BCLAF3: variants seen among roughly 807,000 people sequenced by gnomAD.
BCLAF3 encodes the protein transient octamer binding factor 1.
Under a neutral mutation model 51.2 loss-of-function variants are expected in BCLAF3, and 24 were observed. The observed-to-expected ratio is 0.47, with a 90% confidence interval of 0.34 to 0.66. The LOEUF (loss-of-function observed/expected upper bound fraction) is 0.66, where lower values mean the gene tolerates loss of function less well. Ranked by LOEUF, BCLAF3 falls within the 30% of genes least tolerant of loss-of-function variation. The probability of loss-of-function intolerance (pLI) is 0.01; values close to 1 mark genes in which losing one functional copy is unlikely to be tolerated. For synonymous variants in BCLAF3, 152 were observed against 176.6 expected, an observed-to-expected ratio of 0.86 and a Z score of 1.10; for missense variants, 465 against 525.1, an observed-to-expected ratio of 0.89 and a Z score of 1.12.
chrX:19,937,533 C>T lies in BCLAF3; in HGVS notation c.1746-1G>A. ...TGAAAAACTGGAATTCTGATCATCCCTAATAAGGAAACAGAGAAAATAAGA... is the reference window on the plus strand; with the variant it reads ...TGAAAAACTGGAATTCTGATCATCCTTAATAAGGAAACAGAGAAAATAAGA... On this transcript the variant is annotated splice_acceptor_variant, in intron 8 of 11. Coordinates refer to ENST00000379682, the MANE Select transcript of BCLAF3 (RefSeq NM_001367774.2). LOFTEE classifies it high-confidence loss of function. 2.1e-6 allele frequency: 2 copies of T among 959,724 alleles called. No homozygotes were observed. The highest frequency in any genetic ancestry group is 1.4e-6 in the Non-Finnish European group (1 of 693,684). 79.1% of individuals were successfully genotyped at this position (959,724 alleles called of 1,213,427 possible). A position where few individuals can be genotyped will look rare whatever the true frequency, so the allele number is the denominator to read the frequency against.
intron 10 of BCLAF3, among the ~76,000 whole-genome samples, chrX:19,931,842 T>A (rs1009293949): frequency 2.7e-5 from 3 of 112,273 alleles, no homozygotes; most frequent in African/African-American, 9.7e-5. Context: ...ACTGGAGACA[T>A]AGCTACTCCT....
intron 4 of BCLAF3, among the ~76,000 whole-genome samples, chrX:19,961,110 A>G (rs765236590): frequency 8.9e-5 from 10 of 112,175 alleles, no homozygotes; most frequent in Non-Finnish European, 1.5e-4. Context: ...CTCAAGCCCA[A>G]CATTAAACTA....
At position 19,953,788 on chromosome X, in the gene BCLAF3, C is replaced by A. The variant is rs1603317717; in HGVS notation, c.1555G>T (p.Glu519Ter). The part of the protein sequence containing the change: ...VNEIPLNSDP[E>*]IHRRIDMSLA... ...GTAATCAATCATTACCTGTGTATTT[C>A]TGGATCTGAATTCAATGGAATTTCA... Residue 519 changes from glutamate to a stop codon, truncating the protein, a stop_gained, in exon 6 of 12, where the codon GAA becomes TAA. Coordinates refer to ENST00000379682, the MANE Select transcript of BCLAF3 (RefSeq NM_001367774.2). LOFTEE classifies it high-confidence loss of function. The A allele has an allele frequency of 8.4e-7, 1 of 1,191,633 alleles. No individual in the cohort carries two copies. Among genetic ancestry groups the A allele is most frequent in the East Asian group, 3.0e-5 (1 of 33,689 alleles).
At chrX:19,941,790 T>G (rs1379971390) in intron 8 of BCLAF3, among the ~76,000 whole-genome samples, 2 of 95,633 alleles carry the variant, frequency 2.1e-5, no homozygotes, top group Non-Finnish European at 4.1e-5. Flanking sequence ...TTAAAGTAGT[T>G]TTTTCCAATT....
At chrX:19,923,973 C>T (rs2070274384) in intron 11 of BCLAF3, among the ~76,000 whole-genome samples, 1 of 109,705 alleles carries the variant, frequency 9.1e-6, no homozygotes, top group Non-Finnish European at 1.9e-5. Flanking sequence ...TCCTGAGAAG[C>T]TGGGATTGTA....
At chrX:19,926,699 G>A (rs2070368312) in intron 11 of BCLAF3, among the ~76,000 whole-genome samples, 1 of 111,048 alleles carries the variant, frequency 9.0e-6, no homozygotes, top group South Asian at 3.8e-4. Flanking sequence ...CCAACCTTGC[G>A]AATGAAGAGA....
At chrX:19,980,314 A>G (rs1485616017) in intron 1 of BCLAF3, among the ~76,000 whole-genome samples, 5 of 112,369 alleles carry the variant, frequency 4.4e-5, no homozygotes, top group Non-Finnish European at 9.4e-5. Context: ...AGATTATGAG[A>G]TTTTTCAAAA....
intron 2 of BCLAF3, among the ~76,000 whole-genome samples, chrX:19,967,027 C>T (rs914049109): frequency 9.0e-6 from 1 of 111,213 alleles, no homozygotes; most frequent in African/African-American, 3.3e-5. Context: ...AAGCTTACAT[C>T]CAGTTCAAAG....
chrX:19,983,556 T>C (rs946081438), intron 1 of BCLAF3, among the ~76,000 whole-genome samples: 1 of 105,187 alleles, frequency 9.5e-6, no homozygotes, highest in East Asian at 3.1e-4. Flanking sequence ...ACTAAAAATA[T>C]AAAAAAAATG....
rs755891444 is a variant in BCLAF3 at position 19,937,599 on chromosome X, GAAT to G, written c.1746-70_1746-68del. 2.2e-5 allele frequency: 13 copies of G among 587,003 alleles called. No individual in the cohort carries two copies. The African/African-American group carries it at 3.0e-4, about 14-fold the overall frequency. The allele number at this position is 587,003 out of a possible 1,213,427, so 48.4% of individuals were successfully genotyped here. On this transcript the variant is annotated intron_variant, in intron 8 of 11. Transcript: ENST00000379682. ...ACCTTTTTTTCCAAGAAATAAACAAGAATAATTTTAAAAAGCCCCTTCAGAAAC... is the reference window on the plus strand; with the variant it reads ...ACCTTTTTTTCCAAGAAATAAACAAGAATTTTAAAAAGCCCCTTCAGAAAC...
intron 1 of BCLAF3, among the ~76,000 whole-genome samples, chrX:19,982,667 T>G (rs1272213555): frequency 9.2e-6 from 1 of 108,806 alleles, no homozygotes; most frequent in Non-Finnish European, 1.9e-5. Flanking sequence ...AGGTAAACGA[T>G]TAGAACAAAA....
chrX:19,979,818 C>G (rs1482446145), intron 1 of BCLAF3, among the ~76,000 whole-genome samples: 1 of 109,319 alleles, frequency 9.1e-6, no homozygotes, highest in Non-Finnish European at 1.9e-5. Context: ...TACAATGTGC[C>G]CAAGAGAGAA....
At chrX:19,936,989 G>C (rs534521298) in intron 9 of BCLAF3, among the ~76,000 whole-genome samples, 3 of 111,704 alleles carry the variant, frequency 2.7e-5, no homozygotes, top group African/African-American at 9.8e-5. Context: ...TGTTCCAAGA[G>C]ATCTTAAGTG....
intron 1 of BCLAF3, among the ~76,000 whole-genome samples, chrX:19,973,502 G>A (rs886117524): frequency 2.7e-5 from 3 of 111,168 alleles, no homozygotes; most frequent in Admixed American, 9.6e-5. Context: ...CCAGCCTTAT[G>A]TGTGTCTTTT....
Position 19,917,169 on chromosome X carries a change from A to T in BCLAF3, c.*136T>A. ...AGGTGTAAAAAAGTTGCAGCATTCC[A>T]CTACTAAAAAATAAAGTTATTTTAT... On this transcript the variant is annotated 3_prime_UTR_variant, in exon 12 of 12. Transcript: ENST00000379682. 1.8e-6 allele frequency: 1 copy of T among 570,221 alleles called. No individual in the cohort carries two copies. The highest frequency in any genetic ancestry group is 2.9e-6 in the Non-Finnish European group (1 of 347,191). 47.0% of individuals were successfully genotyped at this position (570,221 alleles called of 1,213,427 possible).
intron 8 of BCLAF3, among the ~76,000 whole-genome samples, chrX:19,949,001 T>C (rs921808612): frequency 2.7e-5 from 3 of 110,976 alleles, no homozygotes; most frequent in Admixed American, 9.6e-5. Context: ...AACTACTGAA[T>C]TGTTTATTTT....
intron 6 of BCLAF3, among the ~76,000 whole-genome samples, 195 bp downstream of exon 6, chrX:19,953,583 C>G (rs1439425039): frequency 8.9e-6 from 1 of 112,080 alleles, no homozygotes; most frequent in Non-Finnish European, 1.9e-5. Flanking sequence ...ATGTTTTCAG[C>G]GCATCCTATT....
At chrX:19,938,024 A>G (rs891402408) in intron 8 of BCLAF3, among the ~76,000 whole-genome samples, 7 of 111,044 alleles carry the variant, frequency 6.3e-5, no homozygotes, top group Non-Finnish European at 1.1e-4. Flanking sequence ...GGCCTCTGAT[A>G]CTGTAGGACC....
intron 1 of BCLAF3, among the ~76,000 whole-genome samples, chrX:19,977,438 T>C (rs890757207): frequency 4.5e-5 from 5 of 111,618 alleles, no homozygotes; most frequent in African/African-American, 6.5e-5. Context: ...AAAGTTTGAG[T>C]GGTCCGGATA....
Sources: gnomAD v4.1 joint callset for allele counts (sites outside exome capture counted in the v4.1 genomes callset) on GRCh38, gnomAD v4.1.1 for gene constraint, MANE v1.5 for transcripts, NCBI Gene and HGNC (gene_info 2026-07-23, HGNC 2026-07-21) for gene names.